APBB1IP: variants seen among roughly 807,000 people sequenced by gnomAD.
APBB1IP encodes the protein amyloid beta precursor protein binding family B member 1 interacting protein.
A neutral mutation model predicts 64.9 loss-of-function variants in APBB1IP; 27 were observed. That is an observed-to-expected ratio of 0.42 (90% CI 0.31 to 0.57). The LOEUF is 0.57. Among genes scored for constraint, APBB1IP ranks in the 20% least tolerant of loss-of-function variants. The pLI is 0.20. For missense variants in APBB1IP, 812 were observed against 845.5 expected, an observed-to-expected ratio of 0.96 and a Z score of 0.49; for synonymous variants, 392 against 331.0, an observed-to-expected ratio of 1.18 and a Z score of -2.00.
Position 26,487,644 on chromosome 10 carries a change from C to T in APBB1IP, c.1-4683C>T, listed in dbSNP as rs12259431. ...TGAATGCAGGGAGAGGTCACGAGAA[C>T]GCGCTGTTGTTTTGAGTTATTTCCA... On this transcript the variant is annotated intron_variant, in intron 2 of 14. Transcript: ENST00000376236. 6.0e-3 allele frequency among the ~76,000 whole-genome samples: 908 copies of T among 152,170 alleles called. 13 individuals are homozygous for T. The highest frequency in any genetic ancestry group is 0.021 in the African/African-American group (856 of 41,504).
rs759099775 is a variant in APBB1IP at position 26,560,110 on chromosome 10, C to G, written c.1161C>G (p.Pro387=). ...PTDYCFVLKH[P]QIQKESQYIK... The stretch of plus-strand genomic sequence containing the variant: ...TCGAAACTGCTTCTTTCTAGCACCC[C>G]CAAATTCAGAAGGAGTCCCAGTATA... Residue 387 remains proline, a synonymous_variant, in exon 12 of 15, where the codon CCC becomes CCG. Transcript: ENST00000376236. 6.2e-7 allele frequency: 1 copy of G among 1,613,984 alleles called. No individual in the cohort carries two copies. Among genetic ancestry groups the G allele is most frequent in the Admixed American group, 1.7e-5 (1 of 60,008 alleles).
At chr10:26,554,296 C>T (rs142194929) in intron 11 of APBB1IP, among the ~76,000 whole-genome samples, 57 of 152,310 alleles carry the variant, frequency 3.7e-4, no homozygotes, top group African/African-American at 1.3e-3. Context: ...CCAGAAGTCC[C>T]AAATCAAGGT....
intron 2 of APBB1IP, among the ~76,000 whole-genome samples, chr10:26,490,678 A>G (rs1235357004): frequency 3.3e-5 from 5 of 152,204 alleles, no homozygotes; most frequent in Non-Finnish European, 5.9e-5. Flanking sequence ...TGCATTCTGA[A>G]ATATTTATGG....
chr10:26,555,573 C>T (rs1836884943), intron 11 of APBB1IP, among the ~76,000 whole-genome samples: 1 of 152,170 alleles, frequency 6.6e-6, no homozygotes, highest in African/African-American at 2.4e-5. Flanking sequence ...CCAATTAACA[C>T]ATGAGCTCTC....
intron 11 of APBB1IP, among the ~76,000 whole-genome samples, chr10:26,559,226 A>C (rs528260670): frequency 1.3e-5 from 2 of 152,316 alleles, no homozygotes; most frequent in South Asian, 4.1e-4. Flanking sequence ...AGCTTCCAAA[A>C]GTTAAAAAGG....
At chr10:26,539,907 AAAT>A (rs1836676476) in intron 10 of APBB1IP, among the ~76,000 whole-genome samples, 1 of 152,194 alleles carries the variant, frequency 6.6e-6, no homozygotes, top group African/African-American at 2.4e-5. Flanking sequence ...GAGATTGATA[AAAT>A]AAACAATATA....
chr10:26,531,584 ATGAACC>A (rs1836554731), intron 8 of APBB1IP, among the ~76,000 whole-genome samples: 1 of 151,102 alleles, frequency 6.6e-6, no homozygotes, highest in African/African-American at 2.4e-5. Context: ...GGAGAATGGC[ATGAACC>A]TGAGAGGCGG....
chr10:26,480,620 CTTTTTTTTT>C (rs535190399), intron 2 of APBB1IP, among the ~76,000 whole-genome samples: 3 of 83,940 alleles, frequency 3.6e-5, no homozygotes, highest in Non-Finnish European at 6.9e-5. Context: ...TGAGCTGCTT[CTTTTTTTTT>C]TTTTTTTTTT....
At chr10:26,551,323 G>A (rs1010236368) in intron 11 of APBB1IP, among the ~76,000 whole-genome samples, 1 of 152,210 alleles carries the variant, frequency 6.6e-6, no homozygotes, top group Admixed American at 6.5e-5. Flanking sequence ...AAACCTGAGT[G>A]TGAGTCCGGG....
At chr10:26,541,757 G>T in intron 11 of APBB1IP, 65 bp downstream of exon 11, 3 of 1,231,854 alleles carry the variant, frequency 2.4e-6, no homozygotes, top group Non-Finnish European at 3.4e-6. Flanking sequence ...TTTCAAGGAA[G>T]AAAATGTTAA....
intron 3 of APBB1IP, 79 bp from the exon 4 acceptor site, chr10:26,496,225 T>C: frequency 1.9e-6 from 2 of 1,078,858 alleles, no homozygotes; most frequent in Non-Finnish European, 2.8e-6. Context: ...TGATACATGG[T>C]TTTTGACTTG....
At chr10:26,464,999 C>T (rs1835632061) in intron 2 of APBB1IP, among the ~76,000 whole-genome samples, 1 of 152,192 alleles carries the variant, frequency 6.6e-6, no homozygotes, top group Non-Finnish European at 1.5e-5. Flanking sequence ...GCAAAACCAA[C>T]AGAGAACTCT....
At chr10:26,476,812 TC>T (rs1205360789) in intron 2 of APBB1IP, among the ~76,000 whole-genome samples, 2 of 152,208 alleles carry the variant, frequency 1.3e-5, no homozygotes, top group African/African-American at 4.8e-5. Context: ...ATTTATTTAT[TC>T]TTTTTAAGGC....
At chr10:26,443,814 G>T (rs550144369) in intron 2 of APBB1IP, among the ~76,000 whole-genome samples, 3 of 152,244 alleles carry the variant, frequency 2.0e-5, no homozygotes, top group East Asian at 3.9e-4. Context: ...TGGGATCACA[G>T]ACATGAGCCA....
chr10:26,503,824 G>A (rs12416423), intron 6 of APBB1IP, among the ~76,000 whole-genome samples: 20,558 of 152,056 alleles, frequency 0.14, 1,678 homozygotes, highest in East Asian at 0.28. Context: ...TCCTTGGCTT[G>A]TACATGATTT....
At chr10:26,439,714 A>T (rs1442124713) in intron 2 of APBB1IP, among the ~76,000 whole-genome samples, 1 of 152,198 alleles carries the variant, frequency 6.6e-6, no homozygotes, top group African/African-American at 2.4e-5. Flanking sequence ...GACGAGACGG[A>T]GTACTAGAGG....
chr10:26,449,571 T>G (rs1279838882), intron 2 of APBB1IP, among the ~76,000 whole-genome samples: 2 of 152,216 alleles, frequency 1.3e-5, no homozygotes, highest in Admixed American at 1.3e-4. Flanking sequence ...CTTTCTAAAT[T>G]CCAGTTGAAT....
At chr10:26,553,673 A>G (rs1458152924) in intron 11 of APBB1IP, among the ~76,000 whole-genome samples, 1 of 152,090 alleles carries the variant, frequency 6.6e-6, no homozygotes, top group Non-Finnish European at 1.5e-5. Flanking sequence ...ATGTATACAT[A>G]TATCTTTTGA....
At chr10:26,504,809 AC>A (rs1836154263) in intron 6 of APBB1IP, among the ~76,000 whole-genome samples, 1 of 152,062 alleles carries the variant, frequency 6.6e-6, no homozygotes, top group African/African-American at 2.4e-5. Context: ...TTGTTCTATC[AC>A]CCAGGCTGAT....
Sources: allele counts gnomAD v4.1 joint callset (sites outside exome capture counted in the v4.1 genomes callset), GRCh38; gene constraint gnomAD v4.1.1; transcripts MANE v1.5; gene names NCBI Gene and HGNC (gene_info 2026-07-23, HGNC 2026-07-21).